RARB: variants seen among roughly 807,000 people sequenced by gnomAD.
The protein encoded by RARB is retinoic acid receptor beta, also known as HBV-activated protein.
Under a neutral mutation model 51.9 loss-of-function variants are expected in RARB, and 17 were observed. The observed-to-expected ratio is 0.33, with a 90% CI of 0.22 to 0.49. The LOEUF (loss-of-function observed/expected upper bound fraction) is 0.49. Among genes scored for constraint, RARB ranks in the 20% least tolerant of loss-of-function variants. The pLI is 0.99. For missense variants in RARB, 369 were observed against 550.8 expected (o/e 0.67, Z 3.30); for synonymous variants, 215 against 195.4 (o/e 1.10, Z -0.84).
intron 3 of RARB, among the ~76,000 whole-genome samples, chr3:25,531,518 C>T (rs1286760): frequency 0.25 from 38,343 of 151,832 alleles, 5,967 homozygotes; most frequent in African/African-American, 0.44. Flanking sequence ...GGTAGTTTCT[C>T]TGGTGATAAT....
intron 5 of RARB, among the ~76,000 whole-genome samples, chr3:25,405,086 G>A (rs1043822881): frequency 6.6e-6 from 1 of 152,194 alleles, no homozygotes; most frequent in African/African-American, 2.4e-5. Context: ...TTTGCTCCAT[G>A]AGATGCGATC....
At chr3:25,102,673 C>G (rs755938913) in intron 3 of RARB, among the ~76,000 whole-genome samples, 18 of 152,210 alleles carry the variant, frequency 1.2e-4, no homozygotes, top group Admixed American at 3.3e-4. Context: ...AGTCTTGCCT[C>G]TAAATGAGTT....
At chr3:25,258,053 A>C (rs899678232) in intron 5 of RARB, among the ~76,000 whole-genome samples, 2 of 152,212 alleles carry the variant, frequency 1.3e-5, no homozygotes, top group Middle Eastern at 6.8e-3. Flanking sequence ...TCCTGACTTC[A>C]TCATTGTGTT....
intron 5 of RARB, among the ~76,000 whole-genome samples, chr3:25,316,911 A>G (rs1292925639): frequency 6.6e-6 from 1 of 152,202 alleles, no homozygotes; most frequent in Non-Finnish European, 1.5e-5. Context: ...GTCTCATTGT[A>G]CGATGAAGAA....
chr3:25,330,457 C>G (rs895238465), intron 5 of RARB, among the ~76,000 whole-genome samples: 3 of 152,152 alleles, frequency 2.0e-5, no homozygotes, highest in Non-Finnish European at 2.9e-5. Context: ...TACAGACAAG[C>G]AAATGCTGAG....
At chr3:24,968,112 A>T (rs979189135) in intron 2 of RARB, among the ~76,000 whole-genome samples, 1 of 152,158 alleles carries the variant, frequency 6.6e-6, no homozygotes, top group Non-Finnish European at 1.5e-5. Flanking sequence ...CAGCCAGTTA[A>T]AGTATTGTAA....
At chr3:25,523,157 A>G (rs939923143) in intron 3 of RARB, among the ~76,000 whole-genome samples, 2 of 152,178 alleles carry the variant, frequency 1.3e-5, no homozygotes, top group Admixed American at 6.5e-5. Flanking sequence ...AAGTTTCCCC[A>G]ATGTTGTCAG....
intron 3 of RARB, among the ~76,000 whole-genome samples, chr3:25,532,566 G>A (rs1242025152): frequency 6.6e-6 from 1 of 152,146 alleles, no homozygotes; most frequent in Admixed American, 6.5e-5. Context: ...TTTTATCTTT[G>A]TAGCACTTTG....
intron 1 of RARB, among the ~76,000 whole-genome samples, chr3:25,442,279 G>A (rs1014820117): frequency 2.0e-5 from 3 of 152,030 alleles, no homozygotes; most frequent in South Asian, 4.1e-4. Flanking sequence ...GGGATTACAG[G>A]AGCGCGCTAC....
chr3:24,840,110 T>C (rs143476819), intron 1 of RARB, among the ~76,000 whole-genome samples: 2 of 152,302 alleles, frequency 1.3e-5, no homozygotes, highest in Non-Finnish European at 2.9e-5. Flanking sequence ...AATGATATAA[T>C]TAGCACCTAA....
chr3:24,985,125 A>G (rs1696759584), intron 2 of RARB, among the ~76,000 whole-genome samples: 1 of 152,228 alleles, frequency 6.6e-6, no homozygotes, highest in Non-Finnish European at 1.5e-5. Flanking sequence ...TAGCATGGAA[A>G]TGGTGAGGGG....
At chr3:25,352,201 C>G (rs995424163) in intron 5 of RARB, 1 of 152,158 alleles carries the variant, frequency 6.6e-6, no homozygotes, top group Admixed American at 6.6e-5. Flanking sequence ...TTTCATCACC[C>G]CAGCCTCCTT....
chr3:25,051,324 G>A (rs1223809164), intron 2 of RARB, among the ~76,000 whole-genome samples: 1 of 152,004 alleles, frequency 6.6e-6, no homozygotes, highest in African/African-American at 2.4e-5. Context: ...GAAAGGGAGT[G>A]TTTCCAGCGT....
chr3:25,403,759 T>G (rs1437906089), intron 5 of RARB, among the ~76,000 whole-genome samples: 1 of 151,992 alleles, frequency 6.6e-6, no homozygotes, highest in Non-Finnish European at 1.5e-5. Context: ...AAATCTGGCT[T>G]CTTTGACATT....
intron 2 of RARB, among the ~76,000 whole-genome samples, chr3:24,961,936 T>C (rs1696149692): frequency 7.6e-6 from 1 of 131,274 alleles, no homozygotes; most frequent in African/African-American, 2.9e-5. Flanking sequence ...TTTTTTTTTT[T>C]TTTTTTTTTT....
intron 5 of RARB, among the ~76,000 whole-genome samples, chr3:25,252,765 A>G (rs1702759223): frequency 6.6e-6 from 1 of 152,130 alleles, no homozygotes; most frequent in Non-Finnish European, 1.5e-5. Context: ...ACTGCTTCAA[A>G]TTTATCTATA....
intron 2 of RARB, among the ~76,000 whole-genome samples, chr3:24,994,049 G>T (rs1356310499): frequency 6.6e-6 from 1 of 152,084 alleles, no homozygotes; most frequent in Non-Finnish European, 1.5e-5. Flanking sequence ...GCATATGGTG[G>T]TTCTATTTGT....
chr3:25,461,118 A>C, intron 1 of RARB, 75 bp from the exon 2 acceptor site: 1 of 1,467,778 alleles, frequency 6.8e-7, no homozygotes, highest in Non-Finnish European at 9.1e-7. Context: ...GAAGCATATG[A>C]ATTCACTGTT....
intron 3 of RARB, among the ~76,000 whole-genome samples, chr3:25,085,093 C>A (rs936157244): frequency 2.0e-5 from 3 of 152,120 alleles, no homozygotes; most frequent in Non-Finnish European, 4.4e-5. Context: ...AGACATGCAT[C>A]ATTCCAAAAG....
Sources: allele counts gnomAD v4.1 joint callset (sites outside exome capture counted in the v4.1 genomes callset), GRCh38; gene constraint gnomAD v4.1.1; transcripts MANE v1.5; gene names NCBI Gene and HGNC (gene_info 2026-07-23, HGNC 2026-07-21).